The following NRG1 variants were observed in gnomAD, a reference collection of about 807,000 sequenced individuals.
NRG1 encodes neuregulin 1.
A neutral mutation model predicts 63.8 loss-of-function variants in NRG1; 18 were observed. The ratio of observed to expected loss-of-function variants is 0.28; its 90% CI spans 0.19 to 0.42. The LOEUF is 0.42. Ranked by LOEUF, NRG1 falls within the 10% of genes least tolerant of loss-of-function variation. The pLI is 1.00. For missense variants in NRG1, 762 were observed against 814.7 expected (o/e 0.94, Z 0.79); for synonymous variants, 302 against 301.3 (o/e 1.00, Z -0.02).
At chr8:32,319,885 A>G (rs1801174969) in intron 1 of NRG1, among the ~76,000 whole-genome samples, 1 of 152,194 alleles carries the variant, frequency 6.6e-6, no homozygotes, top group African/African-American at 2.4e-5. Flanking sequence ...TATAAATATT[A>G]ATATAATGCT....
At chr8:32,112,692 G>A (rs1832188953) in intron 1 of NRG1, among the ~76,000 whole-genome samples, 4 of 152,112 alleles carry the variant, frequency 2.6e-5, no homozygotes, top group Admixed American at 2.6e-4. Flanking sequence ...GGAATAGCAG[G>A]AATTATTTTC....
intron 1 of NRG1, among the ~76,000 whole-genome samples, chr8:32,559,335 G>C (rs1835901140): frequency 6.8e-6 from 1 of 146,048 alleles, no homozygotes; most frequent in Admixed American, 7.1e-5. Context: ...AAACTCCCTT[G>C]ACAAATTAAG....
intron 1 of NRG1, among the ~76,000 whole-genome samples, chr8:31,681,955 A>G (rs1033372965): frequency 1.6e-4 from 24 of 152,130 alleles, no homozygotes; most frequent in Non-Finnish European, 3.4e-4. Context: ...CTGCTGCATC[A>G]GTATTACCCA....
At chr8:31,712,255 C>CTTTTTTTTTTTTTTTTTGTTT (rs1811842491) in intron 1 of NRG1, among the ~76,000 whole-genome samples, 1 of 72,354 alleles carries the variant, frequency 1.4e-5, no homozygotes, top group Non-Finnish European at 2.5e-5. Flanking sequence ...TCTTCATGAT[C>CTTTTTTTTTTTTTTTTTGTTT]TTTTTTTTTT....
At chr8:31,666,479 C>G (rs1160939442) in intron 1 of NRG1, among the ~76,000 whole-genome samples, 1 of 152,088 alleles carries the variant, frequency 6.6e-6, no homozygotes, top group East Asian at 1.9e-4. Flanking sequence ...TTGGAATAAT[C>G]CTTTAACATG....
chr8:31,757,838 C>A (rs116646735), intron 1 of NRG1, among the ~76,000 whole-genome samples: 2,056 of 152,018 alleles, frequency 0.014, 47 homozygotes, highest in African/African-American at 0.047. Flanking sequence ...TACTTGTGAA[C>A]AAAACTTCAT....
chr8:32,427,736 TG>T (rs1380980913), intron 1 of NRG1, among the ~76,000 whole-genome samples: 4 of 152,216 alleles, frequency 2.6e-5, no homozygotes, highest in African/African-American at 9.6e-5. Context: ...ATTCTAAGAT[TG>T]TTCTAACGTG....
intron 1 of NRG1, among the ~76,000 whole-genome samples, chr8:32,444,071 T>G: frequency 6.6e-6 from 1 of 150,622 alleles, no homozygotes; most frequent in African/African-American, 2.4e-5. Context: ...TCTCTTTCTC[T>G]TCCCTCCCTC....
chr8:32,606,823 G>T (rs567769325), intron 3 of NRG1, among the ~76,000 whole-genome samples: 34 of 152,214 alleles, frequency 2.2e-4, no homozygotes, highest in African/African-American at 7.5e-4. Context: ...TGCCAGGTCA[G>T]CACAGGCAGA....
chr8:31,749,471 T>C (rs932512854), intron 1 of NRG1, among the ~76,000 whole-genome samples: 2 of 151,748 alleles, frequency 1.3e-5, no homozygotes, highest in African/African-American at 4.8e-5. Context: ...ATTGAAGAAG[T>C]GTAGAGGGAA....
chr8:31,859,127 A>G (rs944646625), intron 1 of NRG1, among the ~76,000 whole-genome samples: 1 of 152,208 alleles, frequency 6.6e-6, no homozygotes, highest in African/African-American at 2.4e-5. Context: ...AAAATTCATG[A>G]TCTAAAACCG....
chr8:32,593,589 G>A lies in NRG1; in HGVS notation c.101-2239G>A, dbSNP rs181511958. Among the ~76,000 whole-genome samples, 81 of 152,148 alleles carry A rather than the reference G, an allele frequency of 5.3e-4. 1 individual carries two copies. Among genetic ancestry groups the A allele is most frequent in the African/African-American group, 1.9e-3 (78 of 41,498 alleles). On this transcript the variant is annotated intron_variant, in intron 1 of 11. Coordinates refer to ENST00000356819, the Ensembl canonical transcript of NRG1. ...GGATCACTTGAGCCCAATAGGTGGA[G>A]GTTGGAGTGAGCCATGATCATGCCA...
At chr8:32,318,579 A>G (rs1801028826) in intron 1 of NRG1, among the ~76,000 whole-genome samples, 1 of 152,146 alleles carries the variant, frequency 6.6e-6, no homozygotes, top group Non-Finnish European at 1.5e-5. Flanking sequence ...GTCTTTTGCT[A>G]CCCTGCTTTG....
chr8:32,101,722 T>A (rs1053759516), intron 1 of NRG1, among the ~76,000 whole-genome samples: 11 of 152,272 alleles, frequency 7.2e-5, no homozygotes, highest in African/African-American at 2.6e-4. Context: ...ATGTGGAAGG[T>A]AAATTATAAC....
chr8:32,258,501 G>A (rs374191889), intron 1 of NRG1, among the ~76,000 whole-genome samples: 10 of 152,168 alleles, frequency 6.6e-5, no homozygotes, highest in African/African-American at 2.4e-4. Context: ...CTAAGACTGG[G>A]TAATGTATAG....
At chr8:32,008,580 A>C (rs1814192978) in intron 1 of NRG1, among the ~76,000 whole-genome samples, 1 of 152,066 alleles carries the variant, frequency 6.6e-6, no homozygotes, top group South Asian at 2.1e-4. Flanking sequence ...GTGTTAGACA[A>C]TTAAGAAGAC....
At chr8:32,760,813 G>A (rs1830559787) in intron 11 of NRG1, 2 of 1,018,162 alleles carry the variant, frequency 2.0e-6, no homozygotes, top group South Asian at 4.0e-5. Context: ...TTCGGTGGTC[G>A]AGCTGGCCTC....
At chr8:31,890,219 A>G (rs1241467499) in intron 1 of NRG1, among the ~76,000 whole-genome samples, 5 of 152,182 alleles carry the variant, frequency 3.3e-5, no homozygotes, top group Admixed American at 3.3e-4. Flanking sequence ...AAGAACCATT[A>G]TCCTAGAGAA....
chr8:32,633,530 C>G (rs1462313364), intron 5 of NRG1, among the ~76,000 whole-genome samples: 1 of 152,122 alleles, frequency 6.6e-6, no homozygotes, highest in Non-Finnish European at 1.5e-5. Flanking sequence ...ATTTCAGATA[C>G]TTAGACATGC....
Sources: gnomAD v4.1 joint callset for allele counts (sites outside exome capture counted in the v4.1 genomes callset) on GRCh38, gnomAD v4.1.1 for gene constraint, MANE v1.5 for transcripts, NCBI Gene and HGNC (gene_info 2026-07-23, HGNC 2026-07-21) for gene names.